RYR2: variants seen among roughly 807,000 people sequenced by gnomAD.
The protein encoded by RYR2 is cardiac muscle ryanodine receptor-calcium release channel.
RYR2 carries 227 observed loss-of-function variants against 601.1 expected under a neutral mutation model. The ratio of observed to expected loss-of-function variants is 0.38; its 90% CI spans 0.34 to 0.42. The LOEUF is 0.42. Among genes scored for constraint, RYR2 ranks in the 10% least tolerant of loss-of-function variants. The pLI is 1.00. For missense variants in RYR2, 4,646 were observed against 6,156.5 expected (o/e 0.75, Z 8.21); for synonymous variants, 2,223 against 2,175.1 (o/e 1.02, Z -0.61).
intron 2 of RYR2, among the ~76,000 whole-genome samples, chr1:237,303,080 T>C (rs1480507207): frequency 2.0e-5 from 3 of 152,100 alleles, no homozygotes; most frequent in Non-Finnish European, 4.4e-5. Context: ...AGGCTGACCT[T>C]TCCCTGTTCA....
chr1:237,429,532 GC>G (rs952356017), intron 12 of RYR2, among the ~76,000 whole-genome samples: 67 of 152,152 alleles, frequency 4.4e-4, no homozygotes, highest in African/African-American at 1.5e-3. Context: ...TCCACAGACT[GC>G]TGCCTGACCC....
chr1:237,726,302 C>T lies in RYR2; in HGVS notation c.10719C>T (p.Tyr3573=). 6.3e-7 allele frequency: 1 copy of T among 1,587,732 alleles called. No individual in the cohort carries two copies. Among genetic ancestry groups the T allele is most frequent in the Admixed American group, 1.7e-5 (1 of 57,982 alleles). ...CTAAACGTGTGGGTCGGAGACATTA[C>T]TGTCTGGGAAGTACAGTGCTCAATG... ...QKSKRVGRRH[Y]CLVEHPQRSK... Residue 3573 remains tyrosine, a synonymous_variant, in exon 75 of 105, where the codon TAC becomes TAT. Coordinates refer to ENST00000366574, the MANE Select transcript of RYR2 (RefSeq NM_001035.3).
chr1:237,546,993 A>ATATATATATATATATATATTTATTTATT (rs746133377), intron 25 of RYR2, among the ~76,000 whole-genome samples: 2 of 127,394 alleles, frequency 1.6e-5, no homozygotes, highest in Non-Finnish European at 3.3e-5. Flanking sequence ...ATATATATAT[A>ATATATATATATATATATATTTATTTATT]TATTTATTTA....
intron 14 of RYR2, among the ~76,000 whole-genome samples, chr1:237,447,407 C>G (rs145691194): frequency 8.7e-4 from 132 of 152,174 alleles, no homozygotes; most frequent in Non-Finnish European, 1.5e-3. Flanking sequence ...AGATAGAGTA[C>G]CAAGTATGAG....
At chr1:237,773,377 A>G (rs1203722676) in intron 86 of RYR2, 143 bp from the exon 87 acceptor site, 2 of 553,268 alleles carry the variant, frequency 3.6e-6, no homozygotes, top group African/African-American at 3.8e-5. Context: ...TCATTGAAGA[A>G]TGATATTTAC....
intron 57 of RYR2, 57 bp downstream of exon 57, chr1:237,666,646 T>C: frequency 3.1e-6 from 4 of 1,309,926 alleles, no homozygotes; most frequent in Admixed American, 3.9e-5. Flanking sequence ...AGAAGCATAA[T>C]GTAATGCTTT....
At chr1:237,126,108 G>A (rs1437919814) in intron 1 of RYR2, among the ~76,000 whole-genome samples, 1 of 152,112 alleles carries the variant, frequency 6.6e-6, no homozygotes, top group African/African-American at 2.4e-5. Context: ...ATGGTGGCGG[G>A]CGCCTGTAAT....
chr1:237,827,867 G>A (rs1046517790), intron 101 of RYR2, among the ~76,000 whole-genome samples: 2 of 148,216 alleles, frequency 1.3e-5, no homozygotes, highest in African/African-American at 5.0e-5. Context: ...AACCCGGGAG[G>A]CGGAGCTTGC....
At chr1:237,531,100 C>T (rs1184234656) in intron 25 of RYR2, among the ~76,000 whole-genome samples, 2 of 152,076 alleles carry the variant, frequency 1.3e-5, no homozygotes, top group African/African-American at 4.8e-5. Flanking sequence ...ACAGAGGTAT[C>T]CATATTTCTA....
intron 1 of RYR2, among the ~76,000 whole-genome samples, chr1:237,099,642 A>T (rs1276931273): frequency 6.6e-6 from 1 of 152,230 alleles, no homozygotes; most frequent in Non-Finnish European, 1.5e-5. Flanking sequence ...CCTACACTGT[A>T]CTAGGAGATT....
chr1:237,665,335 G>T (rs953332388), intron 56 of RYR2, among the ~76,000 whole-genome samples: 2 of 147,996 alleles, frequency 1.4e-5, no homozygotes, highest in Non-Finnish European at 3.0e-5. Flanking sequence ...GGAGGCAGAG[G>T]TTGCAGCGAG....
At position 237,651,582 on chromosome 1, in the gene RYR2, G is replaced by C. The variant is rs1011169896; in HGVS notation, c.7824+81G>C. 7.9e-6 allele frequency: 7 copies of C among 889,668 alleles called. No homozygotes were observed. The African/African-American group carries it at 1.2e-4, about 15-fold the overall frequency. 55.1% of individuals were successfully genotyped at this position (889,668 alleles called of 1,614,324 possible). ...TCTATGACAACATATACATTTCTTAGATACATCATGCTTGACGCTGGGAAA... is the reference window on the plus strand; with the variant it reads ...TCTATGACAACATATACATTTCTTACATACATCATGCTTGACGCTGGGAAA... On this transcript the variant is annotated intron_variant, in intron 51 of 104. Transcript: ENST00000366574.
intron 16 of RYR2, among the ~76,000 whole-genome samples, chr1:237,460,839 A>T (rs1659394509): frequency 6.6e-6 from 1 of 152,174 alleles, no homozygotes; most frequent in Non-Finnish European, 1.5e-5. Flanking sequence ...GGGTGGCTTA[A>T]ATGTTATAAT....
At chr1:237,481,809 CAAAAAAAAAAAAAAAAAA>C (rs553197529) in intron 17 of RYR2, among the ~76,000 whole-genome samples, 2 of 46,878 alleles carry the variant, frequency 4.3e-5, no homozygotes, top group African/African-American at 1.5e-4. Flanking sequence ...TGCTGTGTAG[CAAAAAAAAAAAAAAAAAA>C]AAAAAAAACC....
At chr1:237,066,512 T>C (rs536072578) in intron 1 of RYR2, among the ~76,000 whole-genome samples, 7 of 152,326 alleles carry the variant, frequency 4.6e-5, no homozygotes, top group African/African-American at 1.4e-4. Flanking sequence ...TTTGGTATTG[T>C]AACTGTTTTT....
At chr1:237,317,151 C>T (rs1217906167) in intron 2 of RYR2, among the ~76,000 whole-genome samples, 1 of 152,146 alleles carries the variant, frequency 6.6e-6, no homozygotes, top group Non-Finnish European at 1.5e-5. Flanking sequence ...AAATGCAAAA[C>T]TTCCAATTCA....
In RYR2 at chr1:237,388,673, T is replaced by C. The variant is rs1702134465; in HGVS notation, c.773+490T>C. 1.3e-5 allele frequency among the ~76,000 whole-genome samples: 2 copies of C among 152,222 alleles called. 1 individual carries two copies. Among genetic ancestry groups the C allele is most frequent in the Admixed American group, 1.3e-4 (2 of 15,270 alleles). On this transcript the variant is annotated intron_variant, in intron 10 of 104. Transcript: ENST00000366574. The stretch of plus-strand genomic sequence containing the variant: ...ATCTGATATAATACCTCTCTCATGT[T>C]AATTTATTTGGCACTGGGACAAGAT...
rs939979207 is a variant in RYR2, at chr1:237,171,169, G to A, written c.49-99328G>A. Among the ~76,000 whole-genome samples the A allele has an allele frequency of 4.0e-5, 6 of 150,758 alleles. No individual in the cohort carries two copies. In the South Asian group the frequency reaches 1.3e-3, roughly 32 times the overall value. ...GAATTGCTTGAACCCAGGAGGCGGA[G>A]CTTGCAGTGAGCCGAGATTGCACCA... On this transcript the variant is annotated intron_variant, in intron 1 of 104. Coordinates refer to ENST00000366574, the MANE Select transcript of RYR2 (RefSeq NM_001035.3).
intron 17 of RYR2, among the ~76,000 whole-genome samples, chr1:237,487,315 CT>C (rs1239677228): frequency 6.6e-6 from 1 of 151,960 alleles, no homozygotes; most frequent in Non-Finnish European, 1.5e-5. Flanking sequence ...ATACCTATTC[CT>C]TTTTTTATTT....
Sources: gnomAD v4.1 joint callset for allele counts (sites outside exome capture counted in the v4.1 genomes callset) on GRCh38, gnomAD v4.1.1 for gene constraint, MANE v1.5 for transcripts, NCBI Gene and HGNC (gene_info 2026-07-23, HGNC 2026-07-21) for gene names.